ZDHHC20: variants seen among roughly 807,000 people sequenced by gnomAD.
ZDHHC20 encodes the protein zDHHC palmitoyltransferase 20, also known as palmitoyltransferase ZDHHC20.
In ZDHHC20, 43 loss-of-function variants were observed where a neutral mutation model predicts 57.8. The ratio of observed to expected loss-of-function variants is 0.74; its 90% CI spans 0.58 to 0.96. ZDHHC20 has a LOEUF of 0.96. ZDHHC20 is among the 40% of genes least tolerant of loss of function. The probability of loss-of-function intolerance (pLI) is 0.00; values close to 1 mark genes in which losing one functional copy is unlikely to be tolerated. For synonymous variants in ZDHHC20, 157 were observed against 153.0 expected (o/e 1.03, Z -0.19); for missense variants, 391 against 441.1 (o/e 0.89, Z 1.02).
At position 21,459,196 on chromosome 13, in the gene ZDHHC20, C is replaced by A. The variant is rs1885193709; in HGVS notation, c.-25G>T. 2 of 1,577,554 alleles carry A rather than the reference C, an allele frequency of 1.3e-6. No individual in the cohort carries two copies. Among genetic ancestry groups the A allele is most frequent in the Admixed American group, 1.8e-5 (1 of 56,512 alleles). On this transcript the variant is annotated 5_prime_UTR_variant, in exon 1 of 13. Coordinates refer to ENST00000400590, the MANE Select transcript of ZDHHC20 (RefSeq NM_001330059.2). ...TGTTCCGCTGGCGGCTGCCGAGCCC[C>A]GCGTCCCACCGTTCTGGGGAGCGCG...
chr13:21,414,016 C>T (rs1317676987), intron 3 of ZDHHC20, among the ~76,000 whole-genome samples: 3 of 152,038 alleles, frequency 2.0e-5, no homozygotes, highest in Non-Finnish European at 2.9e-5. Flanking sequence ...TTTCCATCTT[C>T]GTTTTTCACA....
rs1340488683 is a variant in ZDHHC20 at position 21,421,169 on chromosome 13, T to C, written c.146-5A>G. On this transcript the variant is annotated splice_region_variant and splice_polypyrimidine_tract_variant and intron_variant, in intron 2 of 12. Coordinates refer to ENST00000400590, the MANE Select transcript of ZDHHC20 (RefSeq NM_001330059.2). ...CAAGGTAAACAACGGTCTTTCCTGG[T>C]AAATAAAAACAAATAACAGTTCATT... 5 of 1,610,652 alleles carry C rather than the reference T, an allele frequency of 3.1e-6. No individual in the cohort carries two copies. The African/African-American group carries it at 5.3e-5, about 17-fold the overall frequency.
At chr13:21,434,419 G>C (rs930625547) in intron 1 of ZDHHC20, among the ~76,000 whole-genome samples, 7 of 152,110 alleles carry the variant, frequency 4.6e-5, no homozygotes, top group African/African-American at 1.7e-4. Context: ...TAGTTGTGCT[G>C]AATCAAAATT....
In ZDHHC20 at chr13:21,387,544, T is replaced by C. The variant is rs1412537885; in HGVS notation, c.818A>G (p.Asp273Gly). 1 of 1,536,306 alleles carries C rather than the reference T, an allele frequency of 6.5e-7. No individual in the cohort carries two copies. Among genetic ancestry groups the C allele is most frequent in the African/African-American group, 1.4e-5 (1 of 72,572 alleles). The change falls in exon 9 of 13, where the codon GAT becomes GGT. Residue 273 changes from aspartate to glycine, a missense_variant. Physicochemically the swap from Asp to Gly is moderately conservative, Grantham distance 94 (BLOSUM62 -1). Transcript: ENST00000400590. ...CSKNWRQVFGDEKKYWLLPIF... is the reference protein window; with the variant it reads ...CSKNWRQVFGGEKKYWLLPIF... Reference sequence around the variant, plus strand: ...TGGAAGTAGCCAATATTTCTTTTCATCACCAAAGACTTGTCTCCAATTTTT... The same window carrying C: ...TGGAAGTAGCCAATATTTCTTTTCACCACCAAAGACTTGTCTCCAATTTTT...
chr13:21,389,674 G>C (rs1190597148), intron 8 of ZDHHC20, among the ~76,000 whole-genome samples: 1 of 152,140 alleles, frequency 6.6e-6, no homozygotes, highest in Non-Finnish European at 1.5e-5. Context: ...AAGAAGGCAC[G>C]ACTGGCAAGA....
At position 21,438,664 on chromosome 13, in the gene ZDHHC20, T is replaced by C. The variant is rs563408979; in HGVS notation, c.119-12986A>G. 2.6e-5 allele frequency among the ~76,000 whole-genome samples: 4 copies of C among 152,356 alleles called. No homozygotes were observed. In the East Asian group the frequency reaches 7.7e-4, roughly 29 times the overall value. The stretch of plus-strand genomic sequence containing the variant: ...CATTTAGAATATTACATAAACTTAG[T>C]TGATAAAGTATCAGCAGGGTTTGAG... On this transcript the variant is annotated intron_variant, in intron 1 of 12. Transcript: ENST00000400590.
chr13:21,438,934 TA>T (rs1358041101), intron 1 of ZDHHC20, among the ~76,000 whole-genome samples: 1 of 152,206 alleles, frequency 6.6e-6, no homozygotes, highest in Non-Finnish European at 1.5e-5. Context: ...GCTGAAGGCT[TA>T]GGTGACTGCT....
At chr13:21,424,099 G>A (rs1375744460) in intron 2 of ZDHHC20, among the ~76,000 whole-genome samples, 1 of 151,972 alleles carries the variant, frequency 6.6e-6, no homozygotes, top group Non-Finnish European at 1.5e-5. Context: ...CTCTTAACAC[G>A]AGACCTAGAA....
At chr13:21,435,134 A>C (rs754925481) in intron 1 of ZDHHC20, among the ~76,000 whole-genome samples, 1 of 152,026 alleles carries the variant, frequency 6.6e-6, no homozygotes, top group Non-Finnish European at 1.5e-5. Context: ...GGATAATTTT[A>C]CCTCGTATTT....
intron 1 of ZDHHC20, among the ~76,000 whole-genome samples, chr13:21,446,748 C>T (rs1477766238): frequency 6.6e-6 from 1 of 152,114 alleles, no homozygotes; most frequent in Non-Finnish European, 1.5e-5. Context: ...TATATGCTTA[C>T]AGGAATAGCG....
intron 2 of ZDHHC20, among the ~76,000 whole-genome samples, chr13:21,423,528 G>T (rs1477265629): frequency 6.6e-6 from 1 of 152,000 alleles, no homozygotes; most frequent in Non-Finnish European, 1.5e-5. Flanking sequence ...CAAAAAATTA[G>T]CTGGGCGTAG....
At chr13:21,387,008 A>C (rs996840457) in intron 9 of ZDHHC20, among the ~76,000 whole-genome samples, 1 of 152,170 alleles carries the variant, frequency 6.6e-6, no homozygotes, top group Non-Finnish European at 1.5e-5. Flanking sequence ...CTTCTTTTTG[A>C]TGACTTTGGT....
intron 7 of ZDHHC20, among the ~76,000 whole-genome samples, chr13:21,397,057 T>G: frequency 6.6e-6 from 1 of 152,198 alleles, no homozygotes; most frequent in South Asian, 2.1e-4. Context: ...AAGTCCAATT[T>G]ATTGATCTTT....
At chr13:21,418,956 C>A (rs1360162415) in intron 3 of ZDHHC20, among the ~76,000 whole-genome samples, 2 of 152,168 alleles carry the variant, frequency 1.3e-5, no homozygotes, top group Non-Finnish European at 2.9e-5. Context: ...GGATTACAGG[C>A]ATAAGCCACC....
At chr13:21,444,571 A>G (rs1451353447) in intron 1 of ZDHHC20, among the ~76,000 whole-genome samples, 2 of 152,332 alleles carry the variant, frequency 1.3e-5, no homozygotes, top group South Asian at 2.1e-4. Flanking sequence ...TTGTTCTACT[A>G]AATTAAATTA....
At chr13:21,429,241 T>C (rs1327463027) in intron 1 of ZDHHC20, among the ~76,000 whole-genome samples, 2 of 152,230 alleles carry the variant, frequency 1.3e-5, no homozygotes, top group Non-Finnish European at 2.9e-5. Flanking sequence ...TTTGCCCTCC[T>C]TAACAAGTGA....
At chr13:21,448,299 G>T (rs1236390921) in intron 1 of ZDHHC20, among the ~76,000 whole-genome samples, 7 of 80,238 alleles carry the variant, frequency 8.7e-5, no homozygotes, top group African/African-American at 2.9e-4. Flanking sequence ...CCGGCCAGCC[G>T]CCCCGTCCGG....
chr13:21,391,690 TA>T (rs1283340488), intron 8 of ZDHHC20, 31 bp downstream of exon 8: 2 of 1,579,166 alleles, frequency 1.3e-6, no homozygotes, highest in Admixed American at 3.7e-5. Context: ...GTCATTGTCC[TA>T]AGTAATTATA....
intron 11 of ZDHHC20, among the ~76,000 whole-genome samples, chr13:21,379,811 T>TTTTTTTC (rs149431886): frequency 0.33 from 37,892 of 115,510 alleles, 6,343 homozygotes; most frequent in South Asian, 0.45. Context: ...AGTGTGCTCT[T>TTTTTTTC]TTTTTTCTTT....
Sources: allele counts gnomAD v4.1 joint callset (sites outside exome capture counted in the v4.1 genomes callset), GRCh38; gene constraint gnomAD v4.1.1; transcripts MANE v1.5; gene names NCBI Gene and HGNC (gene_info 2026-07-23, HGNC 2026-07-21).